The following ATP10A variants were observed in gnomAD, a reference collection of about 807,000 sequenced individuals.
The protein encoded by ATP10A is phospholipid-transporting ATPase VA.
Under a neutral mutation model 147.8 loss-of-function variants are expected in ATP10A, and 111 were observed. The ratio of observed to expected loss-of-function variants is 0.75; its 90% CI spans 0.64 to 0.88. The LOEUF is 0.88. Among genes scored for constraint, ATP10A ranks in the 40% least tolerant of loss-of-function variants. ATP10A has a pLI of 0.00. For synonymous variants in ATP10A, 875 were observed against 841.6 expected (o/e 1.04, Z -0.69); for missense variants, 1,927 against 1,959.0 (o/e 0.98, Z 0.31).
At chr15:25,810,147 A>AG (rs1891365958) in intron 1 of ATP10A, among the ~76,000 whole-genome samples, 1 of 152,038 alleles carries the variant, frequency 6.6e-6, no homozygotes, top group Admixed American at 6.5e-5. Context: ...CACAGTGGGG[A>AG]CGTGTTGGGG....
At chr15:25,759,681 A>C (rs1043208028) in intron 2 of ATP10A, among the ~76,000 whole-genome samples, 10 of 151,990 alleles carry the variant, frequency 6.6e-5, no homozygotes, top group Non-Finnish European at 1.5e-4. Context: ...ATGGTGGCAC[A>C]TGCCTGTAGT....
intron 1 of ATP10A, among the ~76,000 whole-genome samples, chr15:25,800,010 G>A (rs2140777404): frequency 6.6e-6 from 1 of 152,304 alleles, no homozygotes; most frequent in East Asian, 1.9e-4. Flanking sequence ...GAATTCTAAA[G>A]AAGGAGGAAA....
intron 10 of ATP10A, chr15:25,710,021 G>C (rs1596729813): frequency 6.6e-6 from 1 of 152,076 alleles, no homozygotes; most frequent in East Asian, 1.9e-4. Flanking sequence ...TGGATCCCTA[G>C]AGGCATTCAG....
intron 3 of ATP10A, among the ~76,000 whole-genome samples, chr15:25,729,419 C>A (rs1309025653): frequency 6.6e-6 from 1 of 152,198 alleles, no homozygotes. Context: ...CTCCATGCAG[C>A]ACTGCTCTGA....
At chr15:25,731,374 T>C (rs577417549) in intron 3 of ATP10A, among the ~76,000 whole-genome samples, 1 of 152,338 alleles carries the variant, frequency 6.6e-6, no homozygotes, top group South Asian at 2.1e-4. Context: ...CCCAAGTATA[T>C]AAAGCAAACA....
chr15:25,758,900 T>TCACCTGCTCCACCCTAACTCATTCCGAC lies in ATP10A; in HGVS notation c.654+22118_654+22119insGTCGGAATGAGTTAGGGTGGAGCAGGTG, dbSNP rs1567361560. 3.1e-3 allele frequency among the ~76,000 whole-genome samples: 419 copies of TCACCTGCTCCACCCTAACTCATTCCGAC among 136,930 alleles called. 40 individuals carry two copies. The highest frequency in any genetic ancestry group is 0.012 in the African/African-American group (383 of 31,974). The allele number at this position is 136,930 out of a possible 152,430, so 89.8% of individuals were successfully genotyped here. A position where few individuals can be genotyped will look rare whatever the true frequency, so the allele number is the denominator to read the frequency against. On this transcript the variant is annotated intron_variant, in intron 2 of 20. Transcript: ENST00000555815. ...CCTGCTCCACCCTTACTCATTCTGA[T>TCACCTGCTCCACCCTAACTCATTCCGAC]CACCTGCTCCACCCTAACTCATTCT...
At position 25,706,180 on chromosome 15, in the gene ATP10A, C is replaced by T. The variant is rs1047067102; in HGVS notation, c.2575+1796G>A. On this transcript the variant is annotated intron_variant, in intron 12 of 20. Coordinates refer to ENST00000555815, the MANE Select transcript of ATP10A (RefSeq NM_024490.4). ...AGAAGATGACTGGAACTCAAGTTAACCATGAGCCTCGGGTGCCGCAGGGGC... is the reference window on the plus strand; with the variant it reads ...AGAAGATGACTGGAACTCAAGTTAATCATGAGCCTCGGGTGCCGCAGGGGC... Among the ~76,000 whole-genome samples, 5 of 152,300 alleles carry T rather than the reference C, an allele frequency of 3.3e-5. 1 individual carries two copies. Among genetic ancestry groups the T allele is most frequent in the African/African-American group, 1.2e-4 (5 of 41,564 alleles).
At chr15:25,720,656 T>C (rs1342586289) in intron 7 of ATP10A, among the ~76,000 whole-genome samples, 1 of 129,882 alleles carries the variant, frequency 7.7e-6, no homozygotes, top group Non-Finnish European at 1.6e-5. Context: ...GGAGGATGGG[T>C]GAGTGGATGG....
chr15:25,739,962 A>T (rs1013824523), intron 2 of ATP10A, among the ~76,000 whole-genome samples: 3 of 152,140 alleles, frequency 2.0e-5, no homozygotes, highest in Admixed American at 2.0e-4. Flanking sequence ...GCCCTGCGGC[A>T]TGCTTCTGTT....
intron 1 of ATP10A, among the ~76,000 whole-genome samples, chr15:25,782,068 C>G (rs568452401): frequency 2.0e-5 from 3 of 152,302 alleles, no homozygotes; most frequent in African/African-American, 7.2e-5. Flanking sequence ...TATCCATGAA[C>G]AGGTGAATAA....
chr15:25,747,220 C>T (rs12904354), intron 2 of ATP10A, among the ~76,000 whole-genome samples: 51,968 of 146,556 alleles, frequency 0.35, 9,382 homozygotes, highest in South Asian at 0.4. Context: ...ACACGGGAGG[C>T]GGAGGTTACA....
At chr15:25,697,298 G>A (rs1362225339) in intron 13 of ATP10A, among the ~76,000 whole-genome samples, 1 of 152,064 alleles carries the variant, frequency 6.6e-6, no homozygotes, top group African/African-American at 2.4e-5. Flanking sequence ...ACCCCACAGG[G>A]TTGATCACCT....
At chr15:25,774,222 T>C (rs959821313) in intron 2 of ATP10A, among the ~76,000 whole-genome samples, 2 of 152,350 alleles carry the variant, frequency 1.3e-5, no homozygotes, top group Middle Eastern at 3.4e-3. Context: ...GAAGATCTTT[T>C]TGGATAAATA....
intron 7 of ATP10A, 28 bp downstream of exon 7, chr15:25,721,629 G>A: frequency 1.9e-6 from 3 of 1,601,688 alleles, no homozygotes; most frequent in Non-Finnish European, 2.6e-6. Flanking sequence ...TTCAGCCTGG[G>A]TTGGGAGCCC....
chr15:25,854,787 G>A (rs1025045017), intron 1 of ATP10A, among the ~76,000 whole-genome samples: 2 of 152,222 alleles, frequency 1.3e-5, no homozygotes, highest in African/African-American at 2.4e-5. Context: ...GCCGGGCGCA[G>A]TGGCTCACGC....
chr15:25,689,925 A>G (rs149784375), intron 15 of ATP10A, among the ~76,000 whole-genome samples: 23 of 152,374 alleles, frequency 1.5e-4, no homozygotes, highest in African/African-American at 5.3e-4. Context: ...GTTTCCAAGC[A>G]TATGAGGTCA....
At chr15:25,794,859 C>T (rs1890595523) in intron 1 of ATP10A, among the ~76,000 whole-genome samples, 1 of 152,156 alleles carries the variant, frequency 6.6e-6, no homozygotes. Flanking sequence ...GGGTCATTGT[C>T]ACCAGTCAGT....
chr15:25,707,154 A>G (rs959580063), intron 12 of ATP10A, among the ~76,000 whole-genome samples: 1 of 152,220 alleles, frequency 6.6e-6, no homozygotes, highest in Admixed American at 6.5e-5. Context: ...ACATTATGCT[A>G]TTAAATGCAA....
At chr15:25,834,477 G>A (rs1892507306) in intron 1 of ATP10A, among the ~76,000 whole-genome samples, 2 of 152,196 alleles carry the variant, frequency 1.3e-5, no homozygotes, top group African/African-American at 4.8e-5. Context: ...CCGATAGATG[G>A]CTAGAGTCTG....
Sources: allele counts gnomAD v4.1 joint callset (sites outside exome capture counted in the v4.1 genomes callset), GRCh38; gene constraint gnomAD v4.1.1; transcripts MANE v1.5; gene names NCBI Gene and HGNC (gene_info 2026-07-23, HGNC 2026-07-21).